CD96: variants seen among roughly 807,000 people sequenced by gnomAD.
The protein encoded by CD96 is CD96 molecule, also known as T-cell surface protein tactile.
CD96 carries 70 observed loss-of-function variants against 71.3 expected under a neutral mutation model. The observed-to-expected ratio is 0.98, with a 90% CI of 0.81 to 1.20. The LOEUF is 1.20. Ranked by LOEUF, CD96 falls within the 50% of genes most tolerant of loss-of-function variation. The pLI, the probability that CD96 is intolerant of heterozygous loss-of-function variation, is 0.00. For synonymous variants in CD96, 248 were observed against 233.0 expected, an observed-to-expected ratio of 1.06 and a Z score of -0.59; for missense variants, 742 against 677.5, an observed-to-expected ratio of 1.10 and a Z score of -1.06.
chr3:111,569,202 G>A (rs1290049388), intron 3 of CD96, among the ~76,000 whole-genome samples: 1 of 152,004 alleles, frequency 6.6e-6, no homozygotes, highest in African/African-American at 2.4e-5. Context: ...TAATTGACTT[G>A]TACTAAAAAC....
intron 13 of CD96, among the ~76,000 whole-genome samples, 193 bp from the exon 14 acceptor site, chr3:111,649,505 G>C (rs371515996): frequency 6.6e-6 from 1 of 152,254 alleles, no homozygotes; most frequent in South Asian, 2.1e-4. Context: ...ACAAAATACC[G>C]TATAGATCAT....
At position 111,599,169 on chromosome 3, in the gene CD96, C is replaced by T. The variant is rs571493562; in HGVS notation, c.898+959C>T. On this transcript the variant is annotated intron_variant, in intron 6 of 13. Coordinates refer to ENST00000352690, the MANE Select transcript of CD96 (RefSeq NM_005816.5). Reference sequence around the variant, plus strand: ...ATTTTTAGATGAGTCGGGGTTTCACCGTGTTAGCCAGGATGGTCTCGATCT... The same window carrying T: ...ATTTTTAGATGAGTCGGGGTTTCACTGTGTTAGCCAGGATGGTCTCGATCT... Among the ~76,000 whole-genome samples the T allele has an allele frequency of 9.2e-5, 14 of 152,028 alleles. 1 individual carries two copies. The South Asian group carries it at 2.5e-3, about 27-fold the overall frequency.
chr3:111,607,381 C>T (rs1221071736), intron 8 of CD96, among the ~76,000 whole-genome samples: 3 of 152,106 alleles, frequency 2.0e-5, no homozygotes, highest in Non-Finnish European at 4.4e-5. Flanking sequence ...TCAGCCCTCC[C>T]ATCTGAGGCA....
Position 111,647,579 on chromosome 3 carries a change from G to A in CD96, c.1514G>A (p.Trp505Ter). 6.2e-7 allele frequency: 1 copy of A among 1,611,768 alleles called. No individual in the cohort carries two copies. Among genetic ancestry groups the A allele is most frequent in the Non-Finnish European group, 8.5e-7 (1 of 1,178,028 alleles). The change falls in exon 13 of 14, where the codon TGG becomes TAG. Residue 505 changes from tryptophan to a stop codon, truncating the protein, a stop_gained. Transcript: ENST00000352690. LOFTEE classifies it high-confidence loss of function. The stretch of plus-strand genomic sequence containing the variant: ...AATAAGCCCAAAGATGGAATGTCCT[G>A]GCCAGTGATTGTAGCAGCTTTACTC... ...VVNKPKDGMSWPVIVAALLFC... is the reference protein window; with the variant it reads ...VVNKPKDGMS
chr3:111,665,403 G>A (rs1308186209), intron 14 of CD96: 1 of 152,032 alleles, frequency 6.6e-6, no homozygotes, highest in African/African-American at 2.4e-5. Context: ...TTGGCGTGGG[G>A]GGCAGGATTC....
At chr3:111,615,736 A>G (rs768467303) in intron 8 of CD96, among the ~76,000 whole-genome samples, 2 of 152,204 alleles carry the variant, frequency 1.3e-5, no homozygotes, top group Non-Finnish European at 2.9e-5. Flanking sequence ...ACCAACATCT[A>G]GTGAGGGGAG....
intron 4 of CD96, 78 bp from the exon 5 acceptor site, chr3:111,585,243 GAC>G (rs200152394): frequency 1.3e-3 from 943 of 723,706 alleles, no homozygotes; most frequent in East Asian, 2.3e-3. Context: ...GATGCTTATA[GAC>G]ACACACACAC....
chr3:111,550,130 G>C (rs569932768), intron 2 of CD96, among the ~76,000 whole-genome samples: 1 of 152,246 alleles, frequency 6.6e-6, no homozygotes, highest in African/African-American at 2.4e-5. Flanking sequence ...CAAAAACCTG[G>C]AAACATATTA....
rs551596503 is a variant in CD96 at position 111,640,043 on chromosome 3, C to A, written c.1477+1875C>A. Among the ~76,000 whole-genome samples the A allele has an allele frequency of 2.6e-5, 4 of 152,272 alleles. No individual in the cohort carries two copies. In the South Asian group the frequency reaches 8.3e-4, roughly 32 times the overall value. ...CCCAAATGAGAAGGAACCAGAAAAC[C>A]AACCCTGGTAATATGACAAAACAAG... On this transcript the variant is annotated intron_variant, in intron 12 of 13. Transcript: ENST00000352690.
At position 111,637,247 on chromosome 3, in the gene CD96, G is replaced by A. The variant is rs367750319; in HGVS notation, c.1373G>A (p.Gly458Asp). Residue 458 changes from glycine to aspartate, a missense_variant, in exon 11 of 14, where the codon GGC becomes GAC. Physicochemically the swap from Gly to Asp is moderately conservative, Grantham distance 94. Transcript: ENST00000352690. ...TACAGTTCATCCCCGTCAGGTGCAG[G>A]CTCAACACTTCATGGTGAGTACTTG... ...ETYSSSPSGA[G>D]STLHDNVFTS... is the part of the protein sequence containing the mutation. 2 of 1,566,574 alleles carry A rather than the reference G, an allele frequency of 1.3e-6. No individual in the cohort carries two copies. The highest frequency in any genetic ancestry group is 1.8e-6 in the Non-Finnish European group (2 of 1,136,714).
At chr3:111,600,650 A>G (rs2107649168) in intron 6 of CD96, 76 bp from the exon 7 acceptor site, 7 of 1,102,012 alleles carry the variant, frequency 6.4e-6, no homozygotes, top group South Asian at 6.3e-5. Flanking sequence ...CAAATTGATC[A>G]TGCCATGCCT....
rs1398125910 is a variant in CD96, at chr3:111,647,656, C to CA, written c.1596dup (p.Glu533ArgfsTer28). Reference sequence around the variant, plus strand: ...TGGAGTGAGAAAATGGTGTCAGTACCAAAAAGAAATGTGAGTATAATACTA... The same window carrying CA: ...TGGAGTGAGAAAATGGTGTCAGTACCAAAAAAGAAATGTGAGTATAATACTA... On this transcript the variant is annotated frameshift_variant, in exon 13 of 14. Transcript: ENST00000352690. LOFTEE classifies it high-confidence loss of function. 6.2e-7 allele frequency: 1 copy of CA among 1,607,096 alleles called. No homozygotes were observed.
intron 3 of CD96, among the ~76,000 whole-genome samples, chr3:111,577,247 A>G (rs1316803664): frequency 6.6e-6 from 1 of 152,222 alleles, no homozygotes; most frequent in Non-Finnish European, 1.5e-5. Context: ...GCATTCATAT[A>G]CTAAATGACC....
At chr3:111,595,063 T>A (rs918079089) in intron 5 of CD96, 4 of 166,986 alleles carry the variant, frequency 2.4e-5, no homozygotes, top group Admixed American at 2.0e-4. Context: ...TCCACCAGGA[T>A]CACCTGCAAA....
rs561261070 is a variant in CD96 at position 111,581,241 on chromosome 3, G to A, written c.751+2007G>A. ...AGATTTTTCGTGCTTCCTGGTTTTT[G>A]CATTTAGTAAATTGGCTGGGCGGGT... On this transcript the variant is annotated intron_variant, in intron 4 of 13. Coordinates refer to ENST00000352690, the MANE Select transcript of CD96 (RefSeq NM_005816.5). Among the ~76,000 whole-genome samples the A allele has an allele frequency of 6.3e-4, 96 of 152,102 alleles. 1 individual carries two copies. The highest frequency in any genetic ancestry group is 2.7e-3 in the Admixed American group (42 of 15,278).
At chr3:111,560,560 G>T (rs2107524026) in intron 2 of CD96, among the ~76,000 whole-genome samples, 1 of 108,414 alleles carries the variant, frequency 9.2e-6, no homozygotes, top group Admixed American at 9.5e-5. Context: ...GGCTTGTAGG[G>T]TTTCTGCCGA....
At chr3:111,591,189 G>A (rs766543798) in intron 5 of CD96, among the ~76,000 whole-genome samples, 10 of 152,090 alleles carry the variant, frequency 6.6e-5, no homozygotes, top group East Asian at 1.9e-4. Flanking sequence ...CCTGGCCAAC[G>A]TGGTGAAACC....
intron 12 of CD96, among the ~76,000 whole-genome samples, chr3:111,642,490 GA>G (rs1290650358): frequency 1.3e-5 from 2 of 152,172 alleles, no homozygotes; most frequent in Non-Finnish European, 2.9e-5. Flanking sequence ...CAGCGAGATT[GA>G]AATGGCAATT....
At chr3:111,543,126 T>G (rs1046389685) in intron 1 of CD96, among the ~76,000 whole-genome samples, 21 of 152,218 alleles carry the variant, frequency 1.4e-4, no homozygotes, top group African/African-American at 4.8e-4. Flanking sequence ...AACTTTTGCA[T>G]CCACAGAAGT....
Sources: gnomAD v4.1 joint callset for allele counts (sites outside exome capture counted in the v4.1 genomes callset) on GRCh38, gnomAD v4.1.1 for gene constraint, MANE v1.5 for transcripts, NCBI Gene and HGNC (gene_info 2026-07-23, HGNC 2026-07-21) for gene names.